Variants in FRMD7 observed in about 807,000 individuals in gnomAD.
The protein encoded by FRMD7 is FERM domain containing 7, also known as FERM domain-containing protein 7.
A neutral mutation model predicts 44.1 loss-of-function variants in FRMD7; 14 were observed. The ratio of observed to expected loss-of-function variants is 0.32; its 90% CI spans 0.21 to 0.50. The LOEUF is 0.50. Ranked by LOEUF, FRMD7 falls within the 20% of genes least tolerant of loss-of-function variation. The pLI is 0.99. For synonymous variants in FRMD7, 212 were observed against 187.4 expected, an observed-to-expected ratio of 1.13 and a Z score of -1.07; for missense variants, 501 against 522.3, an observed-to-expected ratio of 0.96 and a Z score of 0.40.
chrX:132,093,531 A>T (rs187667373), intron 5 of FRMD7, among the ~76,000 whole-genome samples: 1 of 112,715 alleles, frequency 8.9e-6, no homozygotes. Context: ...GTTGGTTGTT[A>T]GGATATGGGG....
intron 1 of FRMD7, among the ~76,000 whole-genome samples, chrX:132,113,444 T>C (rs951540773): frequency 1.8e-5 from 2 of 111,356 alleles, no homozygotes; most frequent in Non-Finnish European, 3.8e-5. Flanking sequence ...AGCAGGTTAA[T>C]GGCAGACCTG....
At chrX:132,108,364 A>G (rs755687702) in intron 1 of FRMD7, among the ~76,000 whole-genome samples, 40 of 111,618 alleles carry the variant, frequency 3.6e-4, no homozygotes, top group African/African-American at 1.3e-3. Flanking sequence ...AAACCACTGA[A>G]TTGTACACTT....
At chrX:132,121,735 T>A (rs868747728) in intron 1 of FRMD7, among the ~76,000 whole-genome samples, 1 of 111,881 alleles carries the variant, frequency 8.9e-6, no homozygotes, top group South Asian at 3.7e-4. Context: ...TTTGTGATTA[T>A]TATTCAGTAA....
chrX:132,078,158 G>C lies in FRMD7; in HGVS notation c.1859C>G (p.Ala620Gly). The change falls in exon 12 of 12, where the codon GCA (alanine) becomes GGA (glycine). Residue 620 changes from alanine (A) to glycine (G), a missense_variant. This residue lies in a region of FRMD7 where 453 missense variants were observed against 452.7 expected (regional missense o/e 1.00). Coordinates refer to ENST00000298542, the MANE Select transcript of FRMD7 (RefSeq NM_194277.3). ...LGPCPALSHKADLFTDMFAEQ... is the reference protein window; with the variant it reads ...LGPCPALSHKGDLFTDMFAEQ... ...TGCAAACATATCCGTAAACAGGTCT[G>C]CTTTATGACTGAGAGCAGGACAAGG... The C allele has an allele frequency of 5.0e-6, 6 of 1,211,375 alleles. No individual in the cohort carries two copies. Among genetic ancestry groups the C allele is most frequent in the Non-Finnish European group, 6.7e-6 (6 of 895,044 alleles).
At position 132,078,874 on chromosome X, in the gene FRMD7, C is replaced by A; in HGVS notation, c.1143G>T (p.Arg381Ser). Reference sequence around the variant, plus strand: ...CAAATGTCACCTCCAATGCAGAATTCCTCCTCCTACTCTCCAGCACTGGCT... The same window carrying A: ...CAAATGTCACCTCCAATGCAGAATTACTCCTCCTACTCTCCAGCACTGGCT... ...ASEPVLESRR[R>S]NSALEVTFAT... The change falls in exon 12 of 12, where the codon AGG becomes AGT. Residue 381 changes from arginine to serine, a missense_variant. By Grantham distance (110) the Arg-to-Ser change is moderately radical. Transcript: ENST00000298542. The A allele has an allele frequency of 8.3e-7, 1 of 1,204,561 alleles. No individual in the cohort carries two copies. Among genetic ancestry groups the A allele is most frequent in the Non-Finnish European group, 1.1e-6 (1 of 889,272 alleles).
At position 132,078,457 on chromosome X, in the gene FRMD7, A is replaced by G; in HGVS notation, c.1560T>C (p.His520=). 1 of 1,211,295 alleles carries G rather than the reference A, an allele frequency of 8.3e-7. No individual in the cohort carries two copies. The highest frequency in any genetic ancestry group is 3.0e-5 in the East Asian group (1 of 33,803). ...TCATTGCAGTGGGCTCTACATAGCT[A>G]TGTGGACTTGTCCTTTCCTCTGCTC... is the stretch of plus-strand genomic sequence containing the variant. The part of the protein sequence containing the change: ...PIRAEERTSP[H]SYVEPTAMKP... The change falls in exon 12 of 12, where the codon CAT becomes CAC. Residue 520 remains histidine (H), a synonymous_variant. Transcript: ENST00000298542.
intron 1 of FRMD7, among the ~76,000 whole-genome samples, chrX:132,116,322 C>A (rs1243948088): frequency 8.9e-6 from 1 of 112,005 alleles, no homozygotes; most frequent in Non-Finnish European, 1.9e-5. Context: ...ACCCCACCCA[C>A]TGAGCTCCAA....
chrX:132,082,472 C>G lies in FRMD7; in HGVS notation c.796G>C (p.Ala266Pro). The stretch of plus-strand genomic sequence containing the variant: ...TATTCCACACAAGTCTTCCAGAAAG[C>G]CTTGCAGGCATCTCGGCTGGCCATG... The part of the protein sequence containing the change: ...FTMASRDACK[A>P]FWKTCVEYHA... The change falls in exon 9 of 12, where the codon GCT (alanine) becomes CCT (proline). Residue 266 changes from alanine (A) to proline (P), a missense_variant. Physicochemically the swap from Ala to Pro is conservative, Grantham distance 27. Transcript: ENST00000298542. 5 of 1,210,050 alleles carry G rather than the reference C, an allele frequency of 4.1e-6. No homozygotes were observed. The highest frequency in any genetic ancestry group is 4.5e-6 in the Non-Finnish European group (4 of 893,568).
At chrX:132,085,848 T>A in intron 6 of FRMD7, 72 bp downstream of exon 6, 1 of 1,020,178 alleles carries the variant, frequency 9.8e-7, no homozygotes, top group Non-Finnish European at 1.4e-6. Context: ...TTTAAGGGCT[T>A]GCTCTTAAGA....
intron 1 of FRMD7, among the ~76,000 whole-genome samples, chrX:132,117,929 G>A (rs1928941648): frequency 8.9e-6 from 1 of 111,740 alleles, no homozygotes; most frequent in Non-Finnish European, 1.9e-5. Context: ...AATTTTCCCA[G>A]CTTATTTGGG....
rs749047439 is a variant in FRMD7 at position 132,107,604 on chromosome X, G to GGAGAGAGAGAGA, written c.58-6900_58-6889dup. The stretch of plus-strand genomic sequence containing the variant: ...CCTTTTCACTATATTTCTACATGGT[G>GGAGAGAGAGAGA]GAGAGAGAGAGAGAGAGAGAGAGAG... On this transcript the variant is annotated intron_variant, in intron 1 of 11. Coordinates refer to ENST00000298542, the MANE Select transcript of FRMD7 (RefSeq NM_194277.3). Among the ~76,000 whole-genome samples, 274 of 91,180 alleles carry GGAGAGAGAGAGA rather than the reference G, an allele frequency of 3.0e-3. 6 individuals are homozygous for GGAGAGAGAGAGA. The highest frequency in any genetic ancestry group is 8.7e-3 in the African/African-American group (199 of 22,897). The allele number at this position is 91,180 out of a possible 115,157, so 79.2% of individuals were successfully genotyped here.
At position 132,078,983 on chromosome X, in the gene FRMD7, C is replaced by A; in HGVS notation, c.1051-17G>T. On this transcript the variant is annotated splice_polypyrimidine_tract_variant and intron_variant, in intron 11 of 11. Coordinates refer to ENST00000298542, the MANE Select transcript of FRMD7 (RefSeq NM_194277.3). ...ATCTTCCACCTTGAGAGAATGGACA[C>A]ATTGGTGAAAGAAGGAAAAGGCCAT... 3.3e-6 allele frequency: 4 copies of A among 1,199,184 alleles called. No individual in the cohort carries two copies. The highest frequency in any genetic ancestry group is 4.5e-6 in the Non-Finnish European group (4 of 885,100).
chrX:132,088,053 A>T (rs1288266391), intron 5 of FRMD7, among the ~76,000 whole-genome samples: 1 of 112,710 alleles, frequency 8.9e-6, no homozygotes, highest in Non-Finnish European at 1.9e-5. Flanking sequence ...ACAAACAAGG[A>T]ATATACCAAA....
chrX:132,120,128 T>C (rs1401830989), intron 1 of FRMD7, among the ~76,000 whole-genome samples: 4 of 112,199 alleles, frequency 3.6e-5, no homozygotes, highest in African/African-American at 9.7e-5. Context: ...CTCAGTCAGT[T>C]TGAAGAATTT....
rs912115609 is a variant in FRMD7, at chrX:132,093,958, G to A, written c.382+84C>T. 8.4e-6 allele frequency: 5 copies of A among 597,552 alleles called. No homozygotes were observed. In the African/African-American group the frequency reaches 1.1e-4, roughly 13 times the overall value. 49.2% of individuals were successfully genotyped at this position (597,552 alleles called of 1,213,427 possible). On this transcript the variant is annotated intron_variant, in intron 5 of 11. Coordinates refer to ENST00000298542, the MANE Select transcript of FRMD7 (RefSeq NM_194277.3). ...CCCCTGTAAACCCTAACACAGTGAT[G>A]GGCATGTGTGGGGAGCTCAGCTCCT...
intron 1 of FRMD7, among the ~76,000 whole-genome samples, chrX:132,117,821 T>C (rs1319985334): frequency 8.9e-6 from 1 of 112,233 alleles, no homozygotes; most frequent in Non-Finnish European, 1.9e-5. Flanking sequence ...CCTTGAGCTA[T>C]TGCAAACAAC....
intron 5 of FRMD7, among the ~76,000 whole-genome samples, chrX:132,090,287 G>T (rs188426670): frequency 9.0e-6 from 1 of 111,028 alleles, no homozygotes; most frequent in African/African-American, 3.3e-5. Flanking sequence ...TGAGGCAGGA[G>T]AATTGCTTGA....
At chrX:132,095,238 G>T (rs1928295865) in intron 4 of FRMD7, among the ~76,000 whole-genome samples, 1 of 109,213 alleles carries the variant, frequency 9.2e-6, no homozygotes, top group Non-Finnish European at 1.9e-5. Context: ...GGGACTACAG[G>T]CATGCACCAC....
chrX:132,091,947 A>G (rs1406308744), intron 5 of FRMD7, among the ~76,000 whole-genome samples: 1 of 112,320 alleles, frequency 8.9e-6, no homozygotes, highest in African/African-American at 3.2e-5. Flanking sequence ...TCTCCCTCCT[A>G]CGCTTCATTT....
Sources: gnomAD v4.1 joint callset for allele counts (sites outside exome capture counted in the v4.1 genomes callset) on GRCh38, gnomAD v4.1.1 for gene constraint, gnomAD v4.1.1 regional missense constraint, MANE v1.5 for transcripts, NCBI Gene and HGNC (gene_info 2026-07-23, HGNC 2026-07-21) for gene names.